EBF2: variants seen among roughly 807,000 people sequenced by gnomAD.
EBF2 encodes the protein transcription factor COE2.
EBF2 carries 21 observed loss-of-function variants against 72.8 expected under a neutral mutation model. The ratio of observed to expected loss-of-function variants is 0.29; its 90% CI spans 0.20 to 0.42. The LOEUF is 0.42. Ranked by LOEUF, EBF2 falls within the 10% of genes least tolerant of loss-of-function variation. The pLI is 1.00. For synonymous variants in EBF2, 299 were observed against 274.2 expected, an observed-to-expected ratio of 1.09 and a Z score of -0.89; for missense variants, 637 against 731.2, an observed-to-expected ratio of 0.87 and a Z score of 1.49.
At chr8:25,861,497 A>G (rs746279038) in intron 11 of EBF2, 123 bp from the exon 12 acceptor site, 5 of 1,020,950 alleles carry the variant, frequency 4.9e-6, no homozygotes, top group Non-Finnish European at 7.4e-6. Flanking sequence ...ATTAGCCAAG[A>G]GGTCCTATAT....
At chr8:26,018,003 C>T (rs1262553494) in intron 6 of EBF2, among the ~76,000 whole-genome samples, 9 of 151,274 alleles carry the variant, frequency 5.9e-5, no homozygotes, top group South Asian at 4.2e-4. Flanking sequence ...TGTTTGTTAA[C>T]GATAAGGCAA....
At position 25,859,721 on chromosome 8, in the gene EBF2, C is replaced by CTTTTTTTT. The variant is rs202200790; in HGVS notation, c.1343-1225_1343-1218dup. 1.5e-4 allele frequency among the ~76,000 whole-genome samples: 21 copies of CTTTTTTTT among 142,956 alleles called. 1 individual carries two copies. The highest frequency in any genetic ancestry group is 1.0e-3 in the East Asian group (5 of 4,956). The allele number at this position is 142,956 out of a possible 152,430, so 93.8% of individuals were successfully genotyped here. ...AAAATAATAATATGTCCTGTCTAGTCTTTTTTTTTTTTTGAGACAAGATCT... is the reference window on the plus strand; with the variant it reads ...AAAATAATAATATGTCCTGTCTAGTCTTTTTTTTTTTTTTTTTTTTTGAGACAAGATCT... On this transcript the variant is annotated intron_variant, in intron 13 of 15. Transcript: ENST00000520164.
intron 5 of EBF2, among the ~76,000 whole-genome samples, chr8:26,039,662 C>T (rs1261457722): frequency 6.6e-6 from 1 of 152,172 alleles, no homozygotes. Context: ...AGTGGAGTTA[C>T]TGGAAATCTA....
intron 6 of EBF2, among the ~76,000 whole-genome samples, chr8:26,006,959 C>A (rs1804893190): frequency 6.6e-6 from 1 of 152,192 alleles, no homozygotes; most frequent in Non-Finnish European, 1.5e-5. Context: ...CAGATGACAG[C>A]ATAGTCTACC....
At chr8:25,961,881 TA>T (rs1804040807) in intron 6 of EBF2, among the ~76,000 whole-genome samples, 1 of 152,184 alleles carries the variant, frequency 6.6e-6, no homozygotes, top group Admixed American at 6.5e-5. Context: ...CTTATCAAGT[TA>T]AAAGCTCATT....
At chr8:25,998,133 C>T (rs1804666490) in intron 6 of EBF2, among the ~76,000 whole-genome samples, 1 of 152,132 alleles carries the variant, frequency 6.6e-6, no homozygotes, top group Non-Finnish European at 1.5e-5. Flanking sequence ...CCTTCTTCCC[C>T]ATCCCTCCTA....
At chr8:25,951,226 T>C (rs1353373259) in intron 6 of EBF2, among the ~76,000 whole-genome samples, 3 of 152,120 alleles carry the variant, frequency 2.0e-5, no homozygotes, top group Non-Finnish European at 4.4e-5. Flanking sequence ...TTTTTGCAAA[T>C]TTAGTACTCA....
intron 5 of EBF2, among the ~76,000 whole-genome samples, chr8:26,038,286 C>G (rs1307275460): frequency 6.6e-6 from 1 of 152,162 alleles, no homozygotes; most frequent in Non-Finnish European, 1.5e-5. Context: ...AGCAGAGCAT[C>G]TTCCCAGGTC....
At chr8:26,018,111 A>G (rs2117241399) in intron 6 of EBF2, among the ~76,000 whole-genome samples, 1 of 144,160 alleles carries the variant, frequency 6.9e-6, no homozygotes, top group Middle Eastern at 3.6e-3. Context: ...AGGTTGGAAA[A>G]GTTTTTTTTT....
At position 25,864,720 on chromosome 8, in the gene EBF2, T is replaced by G. The variant is rs376269284; in HGVS notation, c.1010-1923A>C. Among the ~76,000 whole-genome samples, 16 of 152,312 alleles carry G rather than the reference T, an allele frequency of 1.1e-4. No individual in the cohort carries two copies. In the East Asian group the frequency reaches 2.9e-3, roughly 28 times the overall value. On this transcript the variant is annotated intron_variant, in intron 10 of 15. Coordinates refer to ENST00000520164, the MANE Select transcript of EBF2 (RefSeq NM_022659.4). Reference sequence around the variant, plus strand: ...TGGGTAAAAGTCACCCTATTGAGGTTGTAATACATATTTAATATTTGATAG... The same window carrying G: ...TGGGTAAAAGTCACCCTATTGAGGTGGTAATACATATTTAATATTTGATAG...
chr8:25,951,326 C>G (rs1012338867), intron 6 of EBF2, among the ~76,000 whole-genome samples: 1 of 152,024 alleles, frequency 6.6e-6, no homozygotes, highest in Non-Finnish European at 1.5e-5. Flanking sequence ...GAGCTGGAGC[C>G]CAGGCCTGTC....
chr8:25,990,328 A>C (rs943194576), intron 6 of EBF2, among the ~76,000 whole-genome samples: 12 of 152,208 alleles, frequency 7.9e-5, no homozygotes, highest in African/African-American at 2.4e-4. Context: ...AAGGTCTGTT[A>C]AGTCAAAACT....
intron 7 of EBF2, among the ~76,000 whole-genome samples, chr8:25,894,369 C>T (rs1348887268): frequency 2.0e-5 from 3 of 152,148 alleles, no homozygotes; most frequent in Non-Finnish European, 4.4e-5. Context: ...GATTTCTGAA[C>T]GTTTTAGGAC....
chr8:25,932,644 G>A (rs1013819408), intron 6 of EBF2, among the ~76,000 whole-genome samples: 7 of 152,142 alleles, frequency 4.6e-5, no homozygotes, highest in African/African-American at 9.7e-5. Flanking sequence ...CTGTCTGGCC[G>A]CAGCTGATCT....
chr8:26,006,648 C>G (rs1804887205), intron 6 of EBF2, among the ~76,000 whole-genome samples: 1 of 152,154 alleles, frequency 6.6e-6, no homozygotes, highest in Non-Finnish European at 1.5e-5. Flanking sequence ...TTGCCAGTGC[C>G]CAGCAGGGAT....
intron 10 of EBF2, among the ~76,000 whole-genome samples, chr8:25,869,119 A>ATCC (rs1261783529): frequency 6.6e-6 from 1 of 152,212 alleles, no homozygotes; most frequent in Non-Finnish European, 1.5e-5. Flanking sequence ...CCCATCTTGC[A>ATCC]TTCTTCATTG....
chr8:26,044,871 G>A lies in EBF2; in HGVS notation c.-12C>T. 1 of 1,613,640 alleles carries A rather than the reference G, an allele frequency of 6.2e-7. No individual in the cohort carries two copies. Among genetic ancestry groups the A allele is most frequent in the Non-Finnish European group, 8.5e-7 (1 of 1,179,762 alleles). On this transcript the variant is annotated 5_prime_UTR_variant, in exon 1 of 16. Coordinates refer to ENST00000520164, the MANE Select transcript of EBF2 (RefSeq NM_022659.4). The surrounding 1 kb of genome is among the most constrained non-coding windows in gnomAD (Gnocchi z 4.1). ...TGAATTCCAAACATTTAAAAAGTCTGATCCTCTACTGTCGCTTTAAAAGTA... is the reference window on the plus strand; with the variant it reads ...TGAATTCCAAACATTTAAAAAGTCTAATCCTCTACTGTCGCTTTAAAAGTA...
chr8:25,963,411 C>T (rs1320061767), intron 6 of EBF2, among the ~76,000 whole-genome samples: 1 of 152,200 alleles, frequency 6.6e-6, no homozygotes, highest in African/African-American at 2.4e-5. Context: ...TAAAATTCTT[C>T]CCGAGTGCCA....
chr8:26,000,928 T>C (rs1371651421), intron 6 of EBF2, among the ~76,000 whole-genome samples: 1 of 152,072 alleles, frequency 6.6e-6, no homozygotes. Flanking sequence ...CTGCAGGAAG[T>C]GAGCAAGGAA....
Sources: gnomAD v4.1 joint callset for allele counts (sites outside exome capture counted in the v4.1 genomes callset) on GRCh38, gnomAD v4.1.1 for gene constraint, Gnocchi (gnomAD v3.1) non-coding constraint, MANE v1.5 for transcripts, NCBI Gene and HGNC (gene_info 2026-07-23, HGNC 2026-07-21) for gene names.